The following RAPGEF6 variants were observed in gnomAD, a reference collection of about 807,000 sequenced individuals.
The protein encoded by RAPGEF6 is PDZ domain containing guanine nucleotide exchange factor (GEF) 2.
A neutral mutation model predicts 171.4 loss-of-function variants in RAPGEF6; 56 were observed. That is an observed-to-expected ratio of 0.33 (90% CI 0.26 to 0.41). RAPGEF6 has a LOEUF of 0.41. RAPGEF6 is among the 10% of genes least tolerant of loss of function. The pLI is 1.00. For synonymous variants in RAPGEF6, 692 were observed against 650.1 expected (o/e 1.06, Z -0.98); for missense variants, 1,674 against 1,921.4 (o/e 0.87, Z 2.41).
intron 3 of RAPGEF6, among the ~76,000 whole-genome samples, chr5:131,599,912 T>C (rs557963210): frequency 6.6e-6 from 1 of 152,322 alleles, no homozygotes; most frequent in East Asian, 1.9e-4. Context: ...AGACCAATTG[T>C]TTCTAATGCA....
intron 4 of RAPGEF6, among the ~76,000 whole-genome samples, chr5:131,583,549 A>ATTAAGG (rs1419454355): frequency 2.0e-5 from 3 of 152,160 alleles, no homozygotes; most frequent in Non-Finnish European, 4.4e-5. Context: ...CCTTTAACCA[A>ATTAAGG]TTAAGGTTCT....
At chr5:131,587,587 G>C (rs186609257) in intron 4 of RAPGEF6, among the ~76,000 whole-genome samples, 6 of 152,270 alleles carry the variant, frequency 3.9e-5, no homozygotes, top group African/African-American at 2.4e-5. Flanking sequence ...TAAAACTAGA[G>C]AGTTGTTGGA....
chr5:131,592,276 C>G, intron 4 of RAPGEF6, 107 bp downstream of exon 4: 2 of 1,469,676 alleles, frequency 1.4e-6, no homozygotes, highest in Non-Finnish European at 1.8e-6. Flanking sequence ...ATGGTGCCAA[C>G]AAGCAAAGAC....
In RAPGEF6 at chr5:131,508,227, C is replaced by A; in HGVS notation, c.806-20G>T. The A allele has an allele frequency of 6.3e-7, 1 of 1,597,240 alleles. No individual in the cohort carries two copies. The highest frequency in any genetic ancestry group is 2.3e-5 in the East Asian group (1 of 44,048). ...ATTGTTCTATAAGAAAACAGAAATT[C>A]TGGTATAAAGACCATCGAGGACTAT... On this transcript the variant is annotated intron_variant, in intron 8 of 27. Transcript: ENST00000509018.
intron 22 of RAPGEF6, among the ~76,000 whole-genome samples, chr5:131,444,696 C>A (rs1752578351): frequency 6.6e-6 from 1 of 152,000 alleles, no homozygotes; most frequent in Non-Finnish European, 1.5e-5. Flanking sequence ...TCATTTAGTG[C>A]TATGAGAAAA....
chr5:131,603,197 A>G, intron 3 of RAPGEF6, 74 bp downstream of exon 3: 1 of 1,100,078 alleles, frequency 9.1e-7, no homozygotes, highest in South Asian at 1.4e-5. Flanking sequence ...CCCAGAATCA[A>G]ATGAATTTCA....
chr5:131,632,387 CT>C (rs1766369691), intron 1 of RAPGEF6, among the ~76,000 whole-genome samples: 1 of 152,200 alleles, frequency 6.6e-6, no homozygotes, highest in Non-Finnish European at 1.5e-5. Context: ...TGCATCAAGT[CT>C]TTGATCAAAA....
intron 2 of RAPGEF6, 35 bp downstream of exon 2, chr5:131,604,588 A>T (rs775362710): frequency 1.2e-6 from 2 of 1,600,586 alleles, no homozygotes; most frequent in Non-Finnish European, 1.7e-6. Flanking sequence ...GAATGGCTAT[A>T]CAGCGTGTGC....
chr5:131,607,487 C>T (rs1332308966), intron 1 of RAPGEF6, among the ~76,000 whole-genome samples: 1 of 152,076 alleles, frequency 6.6e-6, no homozygotes. Flanking sequence ...ATTAGAAGAT[C>T]AGAAAAAAAT....
At chr5:131,433,729 A>AT in intron 24 of RAPGEF6, 71 bp from the exon 25 acceptor site, 2 of 1,109,990 alleles carry the variant, frequency 1.8e-6, no homozygotes, top group Non-Finnish European at 2.6e-6. Context: ...AGGGGAAAGG[A>AT]TGAAAAAAAA....
intron 5 of RAPGEF6, among the ~76,000 whole-genome samples, chr5:131,552,856 TACATCA>T (rs1284614167): frequency 2.0e-5 from 3 of 152,034 alleles, no homozygotes; most frequent in Non-Finnish European, 4.4e-5. Context: ...AAATCCCAAC[TACATCA>T]ACATCATGTA....
chr5:131,504,679 C>G lies in RAPGEF6; in HGVS notation c.1201G>C (p.Glu401Gln). 1 of 1,613,972 alleles carries G rather than the reference C, an allele frequency of 6.2e-7. No individual in the cohort carries two copies. Among genetic ancestry groups the G allele is most frequent in the Non-Finnish European group, 8.5e-7 (1 of 1,179,962 alleles). The change falls in exon 11 of 28, where the codon GAG becomes CAG. Residue 401 changes from glutamate (E) to glutamine (Q), a missense_variant. Physicochemically the swap from Glu to Gln is conservative, Grantham distance 29. Coordinates refer to ENST00000509018, the MANE Select transcript of RAPGEF6 (RefSeq NM_016340.6). ...CCACTCCGGTCTAGTTCCCGATGCTCATGTACCATAACAATTTCTCCCTCT... is the reference window on the plus strand; with the variant it reads ...CCACTCCGGTCTAGTTCCCGATGCTGATGTACCATAACAATTTCTCCCTCT... The part of the protein sequence containing the change: ...EEEGEIVMVH[E>Q]HRELDRSGTR...
intron 1 of RAPGEF6, among the ~76,000 whole-genome samples, chr5:131,610,702 C>A (rs1764884347): frequency 6.6e-6 from 1 of 152,092 alleles, no homozygotes; most frequent in Non-Finnish European, 1.5e-5. Context: ...CCAGTTGCAA[C>A]CCCGAGATCA....
At chr5:131,439,538 T>G (rs756068798) in intron 24 of RAPGEF6, 43 bp downstream of exon 24, 2 of 1,560,024 alleles carry the variant, frequency 1.3e-6, no homozygotes, top group Non-Finnish European at 1.7e-6. Flanking sequence ...CTATAAAGTA[T>G]TGTTTAGTTT....
At chr5:131,450,269 T>C (rs931161948) in intron 21 of RAPGEF6, among the ~76,000 whole-genome samples, 5 of 152,184 alleles carry the variant, frequency 3.3e-5, no homozygotes, top group Non-Finnish European at 1.5e-5. Flanking sequence ...TTTATAAAAA[T>C]ATGCTTTAGA....
chr5:131,455,352 G>A (rs1052551983), intron 20 of RAPGEF6, among the ~76,000 whole-genome samples: 4 of 152,098 alleles, frequency 2.6e-5, no homozygotes, highest in Admixed American at 1.3e-4. Context: ...TCCGCCTCCC[G>A]GGCTCCTGCC....
At chr5:131,521,983 G>A (rs1028837017) in intron 6 of RAPGEF6, among the ~76,000 whole-genome samples, 1 of 151,128 alleles carries the variant, frequency 6.6e-6, no homozygotes, top group Non-Finnish European at 1.5e-5. Context: ...GCAATATCTT[G>A]GAATCAAGTT....
At chr5:131,579,511 C>T (rs961239209) in intron 4 of RAPGEF6, among the ~76,000 whole-genome samples, 2 of 152,190 alleles carry the variant, frequency 1.3e-5, no homozygotes, top group Admixed American at 1.3e-4. Context: ...GGTGCGTTTA[C>T]AATCCCTGAG....
chr5:131,475,990 TC>T (rs369988898), intron 16 of RAPGEF6, among the ~76,000 whole-genome samples: 111 of 152,240 alleles, frequency 7.3e-4, no homozygotes, highest in Non-Finnish European at 1.4e-3. Flanking sequence ...AACATTTTTT[TC>T]AATTAAAAAA....
Sources: gnomAD v4.1 joint callset for allele counts (sites outside exome capture counted in the v4.1 genomes callset) on GRCh38, gnomAD v4.1.1 for gene constraint, MANE v1.5 for transcripts, NCBI Gene and HGNC (gene_info 2026-07-23, HGNC 2026-07-21) for gene names.